The following PTPRT variants were observed in gnomAD, a reference collection of about 807,000 sequenced individuals.
PTPRT encodes the protein protein tyrosine phosphatase receptor type T.
Under a neutral mutation model 176.8 loss-of-function variants are expected in PTPRT, and 56 were observed. The observed-to-expected ratio is 0.32, with a 90% CI of 0.26 to 0.40. The LOEUF is 0.40. Ranked by LOEUF, PTPRT falls within the 10% of genes least tolerant of loss-of-function variation. PTPRT has a pLI of 1.00. For synonymous variants in PTPRT, 783 were observed against 739.0 expected, an observed-to-expected ratio of 1.06 and a Z score of -0.96; for missense variants, 1,540 against 1,908.2, an observed-to-expected ratio of 0.81 and a Z score of 3.60.
intron 19 of PTPRT, among the ~76,000 whole-genome samples, chr20:42,123,944 G>A (rs1335075947): frequency 1.3e-5 from 2 of 152,264 alleles, no homozygotes; most frequent in East Asian, 3.9e-4. Context: ...ATGAAGCCAG[G>A]GCTGGCTTGC....
intron 30 of PTPRT, among the ~76,000 whole-genome samples, chr20:42,081,479 C>G (rs1983324010): frequency 6.6e-6 from 1 of 152,208 alleles, no homozygotes; most frequent in Admixed American, 6.5e-5. Context: ...CTTTATCACA[C>G]TTTCCTCCAT....
At chr20:42,782,523 G>C (rs548384151) in intron 3 of PTPRT, among the ~76,000 whole-genome samples, 1 of 152,302 alleles carries the variant, frequency 6.6e-6, no homozygotes, top group African/African-American at 2.4e-5. Flanking sequence ...GTGGCACTAT[G>C]ACCCATTCAG....
rs563891675 is a variant in PTPRT at position 43,062,472 on chromosome 20, A to T, written c.88+127174T>A. On this transcript the variant is annotated intron_variant, in intron 1 of 30. Coordinates refer to ENST00000373187, the MANE Select transcript of PTPRT (RefSeq NM_007050.6). Reference sequence around the variant, plus strand: ...CTGTTATTACTGTTAATTAATAATAATGAGAAATAATAATCTGAGTAACAG... The same window carrying T: ...CTGTTATTACTGTTAATTAATAATATTGAGAAATAATAATCTGAGTAACAG... Among the ~76,000 whole-genome samples, 7 of 152,356 alleles carry T rather than the reference A, an allele frequency of 4.6e-5. No individual in the cohort carries two copies. In the South Asian group the frequency reaches 1.2e-3, roughly 27 times the overall value.
intron 9 of PTPRT, among the ~76,000 whole-genome samples, chr20:42,446,690 T>C (rs957590121): frequency 6.6e-6 from 1 of 151,924 alleles, no homozygotes; most frequent in African/African-American, 2.4e-5. Context: ...CTGGATTTTG[T>C]TTCAGTTAAA....
intron 1 of PTPRT, among the ~76,000 whole-genome samples, chr20:43,173,590 T>C (rs1282010752): frequency 1.3e-5 from 2 of 152,232 alleles, no homozygotes; most frequent in Non-Finnish European, 2.9e-5. Flanking sequence ...AGAAGTGTTT[T>C]CCTAAACTGC....
At chr20:42,774,153 G>T (rs534810667) in intron 4 of PTPRT, among the ~76,000 whole-genome samples, 1 of 152,272 alleles carries the variant, frequency 6.6e-6, no homozygotes, top group South Asian at 2.1e-4. Flanking sequence ...GCACCTACAA[G>T]AGCCAGTTAT....
chr20:42,662,346 T>A (rs1381944092), intron 7 of PTPRT, among the ~76,000 whole-genome samples: 1 of 152,108 alleles, frequency 6.6e-6, no homozygotes, highest in Non-Finnish European at 1.5e-5. Context: ...TACTTAGAGT[T>A]CTATGGTCAG....
chr20:43,018,546 G>C (rs533568684), intron 1 of PTPRT, among the ~76,000 whole-genome samples: 1 of 152,120 alleles, frequency 6.6e-6, no homozygotes, highest in African/African-American at 2.4e-5. Context: ...AAAAGACATC[G>C]TAAACAAGAT....
intron 1 of PTPRT, among the ~76,000 whole-genome samples, chr20:42,964,813 GAACAA>G (rs1475586790): frequency 6.6e-6 from 1 of 152,152 alleles, no homozygotes; most frequent in East Asian, 1.9e-4. Flanking sequence ...GCTAAAGTTT[GAACAA>G]AACAAGGATA....
chr20:43,165,120 T>C (rs1485668615), intron 1 of PTPRT, among the ~76,000 whole-genome samples: 2 of 151,908 alleles, frequency 1.3e-5, no homozygotes, highest in Admixed American at 6.6e-5. Flanking sequence ...TCTCACAAGA[T>C]CTGATGGTTT....
chr20:42,971,927 T>A (rs1451183439), intron 1 of PTPRT, among the ~76,000 whole-genome samples: 5 of 152,028 alleles, frequency 3.3e-5, no homozygotes, highest in Admixed American at 3.3e-4. Context: ...GGCCTTTGCC[T>A]TTTGGAAGCT....
At chr20:42,848,604 T>C (rs6030524) in intron 2 of PTPRT, among the ~76,000 whole-genome samples, 35,625 of 152,170 alleles carry the variant, frequency 0.23, 4,283 homozygotes, top group African/African-American at 0.29. Flanking sequence ...CATATGTTTG[T>C]TGGCCATTTG....
intron 6 of PTPRT, among the ~76,000 whole-genome samples, chr20:42,748,628 C>T (rs76422597): frequency 0.042 from 6,449 of 152,214 alleles, 178 homozygotes; most frequent in Non-Finnish European, 0.064. Flanking sequence ...CTTATTATTG[C>T]ACCGAGTGCA....
At chr20:42,985,236 C>T (rs1983506137) in intron 1 of PTPRT, among the ~76,000 whole-genome samples, 1 of 152,130 alleles carries the variant, frequency 6.6e-6, no homozygotes, top group African/African-American at 2.4e-5. Flanking sequence ...GTGGCTCACA[C>T]CTGTAATCCC....
At chr20:43,176,749 G>T (rs2015131855) in intron 1 of PTPRT, among the ~76,000 whole-genome samples, 1 of 152,170 alleles carries the variant, frequency 6.6e-6, no homozygotes, top group African/African-American at 2.4e-5. Flanking sequence ...TGCTGACTTT[G>T]GTTCATGTAC....
rs148127462 is a variant in PTPRT at position 42,470,139 on chromosome 20, G to C, written c.1450+2127C>G. 2.8e-4 allele frequency among the ~76,000 whole-genome samples: 43 copies of C among 152,320 alleles called. 1 individual carries two copies. The highest frequency in any genetic ancestry group is 9.9e-4 in the African/African-American group (41 of 41,570). On this transcript the variant is annotated intron_variant, in intron 8 of 30. Transcript: ENST00000373187. ...AGCCGGGTATTTTCTTTATGCAGCT[G>C]ACAATGCCAGTGCTCTGGCTAGACC...
chr20:42,564,491 A>G (rs2073006454), intron 7 of PTPRT, among the ~76,000 whole-genome samples: 1 of 152,114 alleles, frequency 6.6e-6, no homozygotes, highest in Admixed American at 6.5e-5. Context: ...AAAACCAAAC[A>G]CCGCATGTTT....
chr20:43,155,134 T>C (rs2014481436), intron 1 of PTPRT, among the ~76,000 whole-genome samples: 1 of 152,194 alleles, frequency 6.6e-6, no homozygotes, highest in Non-Finnish European at 1.5e-5. Context: ...TGAAAAACAG[T>C]ATGGAGGTTC....
intron 7 of PTPRT, among the ~76,000 whole-genome samples, chr20:42,574,034 A>G (rs6030336): frequency 0.02 from 3,090 of 152,218 alleles, 100 homozygotes; most frequent in African/African-American, 0.071. Flanking sequence ...GGCGTGAGCC[A>G]CCGCACCCAG....
Sources: allele counts gnomAD v4.1 joint callset (sites outside exome capture counted in the v4.1 genomes callset), GRCh38; gene constraint gnomAD v4.1.1; transcripts MANE v1.5; gene names NCBI Gene and HGNC (gene_info 2026-07-23, HGNC 2026-07-21).